The following SLC17A2 variants were observed in gnomAD, a reference collection of about 807,000 sequenced individuals.
SLC17A2 encodes sodium-dependent phosphate transport protein 3.
In SLC17A2, 38 loss-of-function variants were observed where a neutral mutation model predicts 52.1. That is an observed-to-expected ratio of 0.73 (90% CI 0.56 to 0.96). SLC17A2 has a LOEUF of 0.96. Among genes scored for constraint, SLC17A2 ranks in the 40% least tolerant of loss-of-function variants. SLC17A2 has a pLI of 0.00. For synonymous variants in SLC17A2, 226 were observed against 211.9 expected (o/e 1.07, Z -0.58); for missense variants, 508 against 583.9 (o/e 0.87, Z 1.34).
chr6:25,929,743 G>A (rs1472626972), intron 1 of SLC17A2, among the ~76,000 whole-genome samples: 2 of 152,042 alleles, frequency 1.3e-5, no homozygotes, highest in Non-Finnish European at 2.9e-5. Context: ...CTCTACAAGC[G>A]TACAATTTTC....
chr6:25,927,915 AC>A (rs1766820849), intron 1 of SLC17A2, among the ~76,000 whole-genome samples: 1 of 152,140 alleles, frequency 6.6e-6, no homozygotes, highest in African/African-American at 2.4e-5. Context: ...CTGTGGTCAA[AC>A]CCAGAGTTTG....
At chr6:25,923,037 A>G (rs1766615309) in intron 3 of SLC17A2, among the ~76,000 whole-genome samples, 1 of 152,080 alleles carries the variant, frequency 6.6e-6, no homozygotes. Flanking sequence ...AAATACAAAA[A>G]TTAGCCAGCC....
rs1377401081 is a variant in SLC17A2, at chr6:25,923,809, G to A, written c.126C>T (p.Ile42=). 4.3e-6 allele frequency: 7 copies of A among 1,614,150 alleles called. No individual in the cohort carries two copies. The highest frequency in any genetic ancestry group is 5.9e-6 in the Non-Finnish European group (7 of 1,179,976). Reference sequence around the variant, plus strand: ...GCTGAGTGGTGTTCACCATGGCGATGATCGCAATGCTCAGACTCACACGCT... The same window carrying A: ...GCTGAGTGGTGTTCACCATGGCGATAATCGCAATGCTCAGACTCACACGCT... The part of the protein sequence containing the change: ...ITQRVSLSIA[I]IAMVNTTQQQ... Residue 42 remains isoleucine, a synonymous_variant, in exon 3 of 12, where the codon ATC becomes ATT. Coordinates refer to ENST00000377850, the MANE Select transcript of SLC17A2 (RefSeq NM_001286123.3).
intron 1 of SLC17A2, among the ~76,000 whole-genome samples, chr6:25,929,629 G>C (rs1766881672): frequency 1.3e-5 from 2 of 152,122 alleles, no homozygotes; most frequent in African/African-American, 2.4e-5. Context: ...GAAAAACTGA[G>C]GGCCCTCTCA....
intron 3 of SLC17A2, among the ~76,000 whole-genome samples, chr6:25,921,840 G>A (rs1383680058): frequency 6.6e-6 from 1 of 152,024 alleles, no homozygotes; most frequent in African/African-American, 2.4e-5. Flanking sequence ...GAAAAGTCAA[G>A]TTTGGGAATC....
intron 5 of SLC17A2, among the ~76,000 whole-genome samples, chr6:25,919,968 A>G (rs1224005637): frequency 6.6e-6 from 1 of 152,164 alleles, no homozygotes; most frequent in African/African-American, 2.4e-5. Flanking sequence ...CATGCAATAA[A>G]GAGGTCAGGC....
chr6:25,915,955 C>T lies in SLC17A2; in HGVS notation c.931-87G>A, dbSNP rs557490807. 1.6e-4 allele frequency: 203 copies of T among 1,273,778 alleles called. 1 individual carries two copies. In the East Asian group the frequency reaches 4.5e-3, roughly 29 times the overall value. The allele number at this position is 1,273,778 out of a possible 1,614,324, so 78.9% of individuals were successfully genotyped here. ...TTACACAGACCAGCCATTAACTTAC[C>T]CCCATGATACTGTGGGTTGTTTGGG... On this transcript the variant is annotated intron_variant, in intron 8 of 11. Transcript: ENST00000377850.
At chr6:25,927,287 A>C (rs113025488) in intron 1 of SLC17A2, among the ~76,000 whole-genome samples, 12 of 152,338 alleles carry the variant, frequency 7.9e-5, no homozygotes, top group African/African-American at 2.6e-4. Context: ...TTAGAGATAA[A>C]TTAACCTAAT....
chr6:25,916,253 G>T (rs1229142832), intron 8 of SLC17A2, among the ~76,000 whole-genome samples: 5 of 152,092 alleles, frequency 3.3e-5, no homozygotes, highest in Non-Finnish European at 7.4e-5. Flanking sequence ...GCTAATTTTT[G>T]TATTTTTAGT....
intron 2 of SLC17A2, among the ~76,000 whole-genome samples, chr6:25,925,169 G>A (rs1351167303): frequency 6.6e-6 from 1 of 152,170 alleles, no homozygotes; most frequent in East Asian, 1.9e-4. Context: ...GAAAGAGCCA[G>A]CCGCTTGGTG....
At chr6:25,920,675 T>C (rs1217867806) in intron 5 of SLC17A2, among the ~76,000 whole-genome samples, 1 of 152,168 alleles carries the variant, frequency 6.6e-6, no homozygotes, top group Non-Finnish European at 1.5e-5. Context: ...GCTAAGATGG[T>C]GTATATATAG....
At chr6:25,916,267 T>C (rs1240551244) in intron 8 of SLC17A2, among the ~76,000 whole-genome samples, 1 of 152,082 alleles carries the variant, frequency 6.6e-6, no homozygotes, top group Admixed American at 6.5e-5. Context: ...TTTTAGTAGA[T>C]GATATTTAGT....
chr6:25,913,849 C>T (rs6938233), intron 11 of SLC17A2, among the ~76,000 whole-genome samples: 52,606 of 151,116 alleles, frequency 0.35, 10,285 homozygotes, highest in East Asian at 0.7. Context: ...ACTATCACTA[C>T]AACCCATCTC....
rs185425752 is a variant in SLC17A2, at chr6:25,923,983, C to A, written c.29-77G>T. ...CTTTTCCTTTCTCTCACAGCTCGAT[C>A]TGATAGAACTTTGGATGACACATGA... On this transcript the variant is annotated intron_variant, in intron 2 of 11. Coordinates refer to ENST00000377850, the MANE Select transcript of SLC17A2 (RefSeq NM_001286123.3). The A allele has an allele frequency of 4.1e-5, 48 of 1,163,476 alleles. No homozygotes were observed. In the African/African-American group the frequency reaches 7.1e-4, roughly 17 times the overall value. The allele number at this position is 1,163,476 out of a possible 1,614,324, so 72.1% of individuals were successfully genotyped here. A position where few individuals can be genotyped will look rare whatever the true frequency, so the allele number is the denominator to read the frequency against.
rs542324752 is a variant in SLC17A2, at chr6:25,913,213, A to G, written c.*104T>C. ...CCCCAGGGAAGACTAACACACAGCCAGAGTTAAGAACTGCTGAGTCTATGG... is the reference window on the plus strand; with the variant it reads ...CCCCAGGGAAGACTAACACACAGCCGGAGTTAAGAACTGCTGAGTCTATGG... On this transcript the variant is annotated 3_prime_UTR_variant, in exon 12 of 12. Transcript: ENST00000377850. The G allele has an allele frequency of 1.5e-5, 19 of 1,242,830 alleles. No homozygotes were observed. The Admixed American group carries it at 3.2e-4, about 21-fold the overall frequency. The allele number at this position is 1,242,830 out of a possible 1,614,324, so 77.0% of individuals were successfully genotyped here.
At chr6:25,920,923 C>T (rs1005566542) in intron 5 of SLC17A2, 83 bp downstream of exon 5, 4 of 1,322,192 alleles carry the variant, frequency 3.0e-6, no homozygotes, top group Admixed American at 1.8e-5. Flanking sequence ...TCTCTCTCTT[C>T]CCCAAACCAT....
Position 25,916,966 on chromosome 6 carries a change from T to A in SLC17A2, c.768+3A>T. The stretch of plus-strand genomic sequence containing the variant: ...GGCCACAGGTACAAGGTGTGCACTG[T>A]ACCTGTTGAGCCAGTGAGGACAGGA... On this transcript the variant is annotated splice_donor_region_variant and intron_variant, in intron 7 of 11. Coordinates refer to ENST00000377850, the MANE Select transcript of SLC17A2 (RefSeq NM_001286123.3). 1 of 1,611,598 alleles carries A rather than the reference T, an allele frequency of 6.2e-7. No individual in the cohort carries two copies. The highest frequency in any genetic ancestry group is 8.5e-7 in the Non-Finnish European group (1 of 1,177,708).
chr6:25,913,736 T>A (rs1220860654), intron 11 of SLC17A2, among the ~76,000 whole-genome samples: 1 of 152,066 alleles, frequency 6.6e-6, no homozygotes, highest in Non-Finnish European at 1.5e-5. Context: ...AAATTATGCC[T>A]AAAATGGCAT....
chr6:25,922,106 T>A (rs1023694663), intron 3 of SLC17A2, among the ~76,000 whole-genome samples: 1 of 151,468 alleles, frequency 6.6e-6, no homozygotes, highest in Admixed American at 6.6e-5. Context: ...ATATCTGGCA[T>A]CATGCTATAA....
Sources: gnomAD v4.1 joint callset for allele counts (sites outside exome capture counted in the v4.1 genomes callset) on GRCh38, gnomAD v4.1.1 for gene constraint, MANE v1.5 for transcripts, NCBI Gene and HGNC (gene_info 2026-07-23, HGNC 2026-07-21) for gene names.